EHMT1: variants seen among roughly 807,000 people sequenced by gnomAD.
EHMT1 encodes the protein histone-lysine N-methyltransferase EHMT1.
Under a neutral mutation model 147.2 loss-of-function variants are expected in EHMT1, and 15 were observed. The observed-to-expected ratio is 0.10, with a 90% CI of 0.07 to 0.16. EHMT1 has a LOEUF of 0.16. Ranked by LOEUF, EHMT1 falls within the 10% of genes least tolerant of loss-of-function variation. The pLI is 1.00. For synonymous variants in EHMT1, 795 were observed against 709.6 expected, an observed-to-expected ratio of 1.12 and a Z score of -1.91; for missense variants, 1,587 against 1,772.4, an observed-to-expected ratio of 0.90 and a Z score of 1.88.
rs1363834849 is a variant in EHMT1, at chr9:137,814,500, TACG to T, written c.3253_3255del (p.Asp1085del). 6.2e-7 allele frequency: 1 copy of T among 1,606,416 alleles called. No individual in the cohort carries two copies. The highest frequency in any genetic ancestry group is 1.3e-5 in the African/African-American group (1 of 74,922). On this transcript the variant is annotated inframe_deletion, in exon 22 of 27. Coordinates refer to ENST00000460843, the MANE Select transcript of EHMT1 (RefSeq NM_024757.5). ...CGGCCAGCTCAGCATGCGCTGCTGG[TACG>T]ACAAGGTGAGGGCGGCCTCGTGTGC... is the stretch of plus-strand genomic sequence containing the variant.
chr9:137,824,299 C>A (rs1038285874), intron 25 of EHMT1, among the ~76,000 whole-genome samples: 7 of 152,144 alleles, frequency 4.6e-5, no homozygotes, highest in Admixed American at 6.5e-5. Flanking sequence ...ACAGTTAATC[C>A]AGCACCACTA....
rs534047983 is a variant in EHMT1, at chr9:137,817,811, A to G, written c.3462-249A>G. 25 of 623,084 alleles carry G rather than the reference A, an allele frequency of 4.0e-5. No homozygotes were observed. In the African/African-American group the frequency reaches 4.0e-4, roughly 10 times the overall value. 38.6% of individuals were successfully genotyped at this position (623,084 alleles called of 1,614,324 possible). ...TGGTCCAGCATGGGCAGTCATCTCT[A>G]GGGGAGGACCATTCTGGGTTCTCAG... is the stretch of plus-strand genomic sequence containing the variant. On this transcript the variant is annotated intron_variant, in intron 24 of 26. Coordinates refer to ENST00000460843, the MANE Select transcript of EHMT1 (RefSeq NM_024757.5).
chr9:137,817,369 G>A (rs1955002790), intron 23 of EHMT1, 70 bp from the exon 24 acceptor site: 1 of 1,571,948 alleles, frequency 6.4e-7, no homozygotes. Context: ...GCACCAGCTG[G>A]CTTTTGCTGA....
chr9:137,656,528 G>A (rs559158467), intron 1 of EHMT1, among the ~76,000 whole-genome samples: 14 of 152,276 alleles, frequency 9.2e-5, no homozygotes, highest in African/African-American at 1.9e-4. Context: ...GGCCCTGTGC[G>A]GATCTATCTA....
intron 3 of EHMT1, 124 bp downstream of exon 3, chr9:137,717,306 G>A: frequency 7.8e-7 from 1 of 1,274,436 alleles, no homozygotes; most frequent in Non-Finnish European, 1.1e-6. Flanking sequence ...CAGGGCCTAT[G>A]AGGAGCTAGG....
chr9:137,812,535 A>G (rs888301242), intron 19 of EHMT1, among the ~76,000 whole-genome samples: 2 of 152,194 alleles, frequency 1.3e-5, no homozygotes, highest in East Asian at 3.9e-4. Context: ...CCACATGTGG[A>G]TCTCACGGTG....
At position 137,835,578 on chromosome 9, in the gene EHMT1, C is replaced by G. The variant is rs1036724317; in HGVS notation, c.*625C>G. On this transcript the variant is annotated 3_prime_UTR_variant, in exon 27 of 27. Transcript: ENST00000460843. ...TATATCAAACCTCTAACTGACGTTT[C>G]TTTTCGAGGAAGTGGCTTGGTGGGT... The G allele has an allele frequency of 1.3e-5, 2 of 152,612 alleles. No individual in the cohort carries two copies. The highest frequency in any genetic ancestry group is 2.1e-4 in the South Asian group (1 of 4,832). 9.5% of individuals were successfully genotyped at this position (152,612 alleles called of 1,614,324 possible).
chr9:137,631,655 C>G (rs7045109), intron 1 of EHMT1, among the ~76,000 whole-genome samples: 1,732 of 152,184 alleles, frequency 0.011, 27 homozygotes, highest in African/African-American at 0.039. Flanking sequence ...GCAGGAGGAT[C>G]ACTTGAGCCC....
At chr9:137,806,686 G>A (rs1953977767) in intron 18 of EHMT1, among the ~76,000 whole-genome samples, 1 of 152,240 alleles carries the variant, frequency 6.6e-6, no homozygotes, top group African/African-American at 2.4e-5. Context: ...GCCCGCCTCG[G>A]ACTCCCAAAG....
At chr9:137,740,976 A>ATTTTTTTTTTTTTTT in intron 4 of EHMT1, among the ~76,000 whole-genome samples, 1 of 119,458 alleles carries the variant, frequency 8.4e-6, no homozygotes, top group African/African-American at 3.2e-5. Context: ...CCCCGACATG[A>ATTTTTTTTTTTTTTT]TTTTTTTTTT....
At chr9:137,762,482 A>G (rs1209861708) in intron 9 of EHMT1, among the ~76,000 whole-genome samples, 193 bp from the exon 10 acceptor site, 2 of 152,178 alleles carry the variant, frequency 1.3e-5, no homozygotes, top group Non-Finnish European at 2.9e-5. Flanking sequence ...CTGGGGAGGC[A>G]CAGGCCACCC....
At chr9:137,765,637 C>G (rs1324504467) in intron 10 of EHMT1, among the ~76,000 whole-genome samples, 1 of 147,012 alleles carries the variant, frequency 6.8e-6, no homozygotes, top group Admixed American at 6.9e-5. Context: ...GCCTGACCCC[C>G]CAGCCCCACT....
chr9:137,805,958 G>A (rs1443353407), intron 18 of EHMT1, among the ~76,000 whole-genome samples: 2 of 151,162 alleles, frequency 1.3e-5, no homozygotes, highest in Non-Finnish European at 2.9e-5. Flanking sequence ...ACTGTGCCCG[G>A]CCTGGTTTTT....
At position 137,752,213 on chromosome 9, in the gene EHMT1, G is replaced by A. The variant is rs769683983; in HGVS notation, c.1171-118G>A. 41 of 1,244,402 alleles carry A rather than the reference G, an allele frequency of 3.3e-5. 1 individual carries two copies. The highest frequency in any genetic ancestry group is 1.4e-5 in the Non-Finnish European group (12 of 868,564). The allele number at this position is 1,244,402 out of a possible 1,614,324, so 77.1% of individuals were successfully genotyped here. A position where few individuals can be genotyped will look rare whatever the true frequency, so the allele number is the denominator to read the frequency against. On this transcript the variant is annotated intron_variant, in intron 6 of 26. Coordinates refer to ENST00000460843, the MANE Select transcript of EHMT1 (RefSeq NM_024757.5). ...GCGCCCCCGCCCCGCGAGCGTCTCC[G>A]GCGTGTGCGGCCAGTGCCCGTTTCG... is the stretch of plus-strand genomic sequence containing the variant.
chr9:137,708,600 T>C (rs555301887), intron 1 of EHMT1, among the ~76,000 whole-genome samples: 142 of 152,336 alleles, frequency 9.3e-4, no homozygotes, highest in Admixed American at 1.4e-3. Context: ...GTCATAAATA[T>C]GGAGAAACTT....
chr9:137,717,578 C>T (rs1236641988), intron 3 of EHMT1, among the ~76,000 whole-genome samples: 1 of 136,448 alleles, frequency 7.3e-6, no homozygotes, highest in Non-Finnish European at 1.5e-5. Flanking sequence ...TGCACTCCAG[C>T]TTGGGCACCA....
At chr9:137,784,262 A>C in intron 15 of EHMT1, 1 of 1,505,624 alleles carries the variant, frequency 6.6e-7, no homozygotes, top group African/African-American at 1.4e-5. Flanking sequence ...GAGCAGGTCC[A>C]TTCCTGGGGG....
intron 1 of EHMT1, among the ~76,000 whole-genome samples, chr9:137,693,946 C>G (rs1211537463): frequency 4.4e-5 from 1 of 22,686 alleles, no homozygotes; most frequent in Non-Finnish European, 8.2e-5. Flanking sequence ...CTGGCCGATA[C>G]CCCCCACACA....
At chr9:137,648,843 C>T (rs1490890134) in intron 1 of EHMT1, among the ~76,000 whole-genome samples, 2 of 152,206 alleles carry the variant, frequency 1.3e-5, no homozygotes, top group Non-Finnish European at 2.9e-5. Context: ...GGGTGCATCC[C>T]GTTTCCCTGA....
Sources: allele counts gnomAD v4.1 joint callset (sites outside exome capture counted in the v4.1 genomes callset), GRCh38; gene constraint gnomAD v4.1.1; transcripts MANE v1.5; gene names NCBI Gene and HGNC (gene_info 2026-07-23, HGNC 2026-07-21).